SNTG2: variants seen among roughly 807,000 people sequenced by gnomAD.
The protein encoded by SNTG2 is syntrophin gamma 2.
Under a neutral mutation model 70.9 loss-of-function variants are expected in SNTG2, and 74 were observed. The ratio of observed to expected loss-of-function variants is 1.04; its 90% CI spans 0.86 to 1.27. The LOEUF (loss-of-function observed/expected upper bound fraction) is 1.27, where lower values mean the gene tolerates loss of function less well. SNTG2 is among the 50% of genes most tolerant of loss of function. The pLI, the probability that SNTG2 is intolerant of heterozygous loss-of-function variation, is 0.00. For synonymous variants in SNTG2, 278 were observed against 273.8 expected (o/e 1.02, Z -0.15); for missense variants, 717 against 690.7 (o/e 1.04, Z -0.43).
intron 16 of SNTG2, among the ~76,000 whole-genome samples, chr2:1,321,183 C>T (rs1358906255): frequency 6.6e-6 from 1 of 152,066 alleles, no homozygotes; most frequent in African/African-American, 2.4e-5. Context: ...GAAAATTGTT[C>T]CTACTATCAT....
At chr2:1,111,390 G>A (rs1183588445) in intron 4 of SNTG2, among the ~76,000 whole-genome samples, 8 of 152,158 alleles carry the variant, frequency 5.3e-5, no homozygotes, top group Admixed American at 5.2e-4. Context: ...GCGTACGGCC[G>A]GGCCCCTCTT....
At chr2:1,129,742 G>C (rs1667908124) in intron 4 of SNTG2, among the ~76,000 whole-genome samples, 1 of 152,160 alleles carries the variant, frequency 6.6e-6, no homozygotes. Context: ...GTGTTGAGTA[G>C]GGCTTGGAGG....
intron 7 of SNTG2, among the ~76,000 whole-genome samples, chr2:1,167,606 G>A (rs1227707058): frequency 8.4e-6 from 1 of 119,750 alleles, no homozygotes; most frequent in East Asian, 2.9e-4. Flanking sequence ...GCCCACAGAC[G>A]GCAGAACTGA....
At chr2:1,151,497 T>C (rs1050045493) in intron 6 of SNTG2, among the ~76,000 whole-genome samples, 1 of 152,220 alleles carries the variant, frequency 6.6e-6, no homozygotes, top group Admixed American at 6.5e-5. Context: ...TCGCTCTTTC[T>C]GCAGGAACAC....
chr2:1,050,245 C>G (rs1661981017), intron 1 of SNTG2, among the ~76,000 whole-genome samples: 1 of 151,994 alleles, frequency 6.6e-6, no homozygotes, highest in South Asian at 2.1e-4. Flanking sequence ...ACAACTTTTC[C>G]CCTTCTTTTC....
At chr2:1,255,168 CATTTACCAAGTCAGGA>C (rs1677981585) in intron 12 of SNTG2, among the ~76,000 whole-genome samples, 1 of 152,198 alleles carries the variant, frequency 6.6e-6, no homozygotes, top group Non-Finnish European at 1.5e-5. Flanking sequence ...TGGAGCCAGT[CATTTACCAAGTCAGGA>C]ATTCGTTTGT....
At chr2:1,090,083 A>T (rs1414982509) in intron 2 of SNTG2, among the ~76,000 whole-genome samples, 5 of 152,074 alleles carry the variant, frequency 3.3e-5, no homozygotes, top group Non-Finnish European at 7.3e-5. Context: ...TCAATTGTAG[A>T]TAAATGGAAT....
At chr2:1,292,445 T>C (rs1680031863) in intron 14 of SNTG2, among the ~76,000 whole-genome samples, 1 of 152,188 alleles carries the variant, frequency 6.6e-6, no homozygotes, top group Non-Finnish European at 1.5e-5. Flanking sequence ...GAAAAAGCTT[T>C]CAGTCTTTCA....
intron 1 of SNTG2, among the ~76,000 whole-genome samples, chr2:1,023,431 G>T (rs891885109): frequency 6.6e-6 from 1 of 152,140 alleles, no homozygotes; most frequent in Non-Finnish European, 1.5e-5. Context: ...TAAATTTTCT[G>T]CAGTCAGAAT....
chr2:1,351,735 T>C (rs1660592171), intron 16 of SNTG2, among the ~76,000 whole-genome samples: 1 of 152,192 alleles, frequency 6.6e-6, no homozygotes, highest in Admixed American at 6.5e-5. Flanking sequence ...TTTACACTGT[T>C]TACCATTGAA....
intron 1 of SNTG2, among the ~76,000 whole-genome samples, chr2:987,753 G>A (rs959590841): frequency 9.9e-5 from 15 of 152,150 alleles, no homozygotes; most frequent in African/African-American, 3.6e-4. Flanking sequence ...AGGCCTGGAG[G>A]ACAGGAGGGT....
intron 4 of SNTG2, among the ~76,000 whole-genome samples, chr2:1,122,303 A>G (rs1259353927): frequency 6.6e-6 from 1 of 152,210 alleles, no homozygotes; most frequent in East Asian, 1.9e-4. Context: ...GATGTCACTA[A>G]CAATGAAAAC....
chr2:1,159,670 G>A (rs1193712221), intron 6 of SNTG2, among the ~76,000 whole-genome samples: 1 of 152,116 alleles, frequency 6.6e-6, no homozygotes, highest in East Asian at 1.9e-4. Flanking sequence ...CTAAGAATCT[G>A]AAGCAAGAGC....
At chr2:980,058 G>T (rs1661049115) in intron 1 of SNTG2, among the ~76,000 whole-genome samples, 1 of 152,074 alleles carries the variant, frequency 6.6e-6, no homozygotes, top group African/African-American at 2.4e-5. Context: ...AAAATTTTAT[G>T]CCAGAGAGTA....
chr2:1,309,617 A>G (rs1680881561), intron 15 of SNTG2, among the ~76,000 whole-genome samples: 1 of 152,248 alleles, frequency 6.6e-6, no homozygotes, highest in Non-Finnish European at 1.5e-5. Context: ...TCCAGGGCCT[A>G]CTGGGCAATA....
intron 4 of SNTG2, among the ~76,000 whole-genome samples, chr2:1,132,239 A>G (rs1220486181): frequency 9.0e-6 from 1 of 110,604 alleles, no homozygotes; most frequent in Non-Finnish European, 2.4e-5. Flanking sequence ...ATGTGTGTGT[A>G]TATATATACA....
At chr2:1,089,656 T>G (rs892417370) in intron 2 of SNTG2, among the ~76,000 whole-genome samples, 1 of 152,166 alleles carries the variant, frequency 6.6e-6, no homozygotes. Context: ...AATAATAGTT[T>G]ACATATGTTT....
At position 1,089,720 on chromosome 2, in the gene SNTG2, G is replaced by A. The variant is rs145001010; in HGVS notation, c.210+6065G>A. 3.0e-3 allele frequency among the ~76,000 whole-genome samples: 457 copies of A among 152,302 alleles called. 1 individual carries two copies. The highest frequency in any genetic ancestry group is 9.7e-3 in the African/African-American group (405 of 41,568). On this transcript the variant is annotated intron_variant, in intron 2 of 16. Coordinates refer to ENST00000308624, the MANE Select transcript of SNTG2 (RefSeq NM_018968.4). ...ACACTTTATAAAGAAATCAAATAGC[G>A]CGTCACTCAAGTAGAACTTTCAATA...
chr2:1,222,105 GTCTCT>G (rs1675189608), intron 9 of SNTG2, among the ~76,000 whole-genome samples: 2 of 27,604 alleles, frequency 7.2e-5, no homozygotes, highest in African/African-American at 4.8e-4. Context: ...GTCTCTCTCT[GTCTCT>G]CTCTGTCTCT....
Sources: gnomAD v4.1 joint callset for allele counts (sites outside exome capture counted in the v4.1 genomes callset) on GRCh38, gnomAD v4.1.1 for gene constraint, MANE v1.5 for transcripts, NCBI Gene and HGNC (gene_info 2026-07-23, HGNC 2026-07-21) for gene names.